The following SPON1 variants were observed in gnomAD, a reference collection of about 807,000 sequenced individuals.
The protein encoded by SPON1 is spondin 1.
Under a neutral mutation model 111.7 loss-of-function variants are expected in SPON1, and 52 were observed. The ratio of observed to expected loss-of-function variants is 0.47; its 90% CI spans 0.37 to 0.59. The LOEUF (loss-of-function observed/expected upper bound fraction) is 0.59, where lower values mean the gene tolerates loss of function less well. Among genes scored for constraint, SPON1 ranks in the 20% least tolerant of loss-of-function variants. SPON1 has a pLI of 0.00. For missense variants in SPON1, 957 were observed against 1,068.5 expected (o/e 0.90, Z 1.46); for synonymous variants, 410 against 395.8 (o/e 1.04, Z -0.43).
At chr11:14,001,259 C>T (rs1591346525) in intron 2 of SPON1, among the ~76,000 whole-genome samples, 3 of 152,224 alleles carry the variant, frequency 2.0e-5, no homozygotes, top group East Asian at 3.9e-4. Context: ...GAGTTAAACT[C>T]CTGGGAGCCC....
At chr11:14,042,948 A>C (rs1241723094) in intron 3 of SPON1, among the ~76,000 whole-genome samples, 2 of 152,228 alleles carry the variant, frequency 1.3e-5, no homozygotes, top group Non-Finnish European at 2.9e-5. Context: ...AGTTTAATGC[A>C]AGCTGAGCAT....
Position 14,262,792 on chromosome 11 carries a change from C to T in SPON1, c.2077C>T (p.Arg693Trp), listed in dbSNP as rs1346760352. 2 of 1,613,754 alleles carry T rather than the reference C, an allele frequency of 1.2e-6. No individual in the cohort carries two copies. The highest frequency in any genetic ancestry group is 1.1e-5 in the South Asian group (1 of 91,084). ...TGGGAAAGGCCACGTGATTCGAACCCGGATGATCCAAATGGAGCCTCAGTT... is the reference window on the plus strand; with the variant it reads ...TGGGAAAGGCCACGTGATTCGAACCTGGATGATCCAAATGGAGCCTCAGTT... ...SCGKGHVIRT[R>W]MIQMEPQFGG... Residue 693 changes from arginine (R) to tryptophan (W), a missense_variant, in exon 15 of 16, where the codon CGG becomes TGG. Arg to Trp is a moderately radical substitution (Grantham distance 101). Around this residue, in one of 5 missense-constraint regions of SPON1, gnomAD observed 549 missense variants for 606.2 expected, o/e 0.91. Coordinates refer to ENST00000576479, the MANE Select transcript of SPON1 (RefSeq NM_006108.4).
At chr11:14,144,348 G>A (rs1554929086) in intron 6 of SPON1, among the ~76,000 whole-genome samples, 1 of 152,094 alleles carries the variant, frequency 6.6e-6, no homozygotes, top group Non-Finnish European at 1.5e-5. Context: ...AAGACTTTTA[G>A]ACCAGGCGTG....
chr11:13,986,961 T>C (rs1554910475), intron 2 of SPON1, among the ~76,000 whole-genome samples: 1 of 152,178 alleles, frequency 6.6e-6, no homozygotes, highest in African/African-American at 2.4e-5. Context: ...TCCAGTCTAT[T>C]ATTGATGGAC....
In SPON1 at chr11:14,260,730, G is replaced by A. The variant is rs1282504510; in HGVS notation, c.1974G>A (p.Glu658=). 2 of 1,613,802 alleles carry A rather than the reference G, an allele frequency of 1.2e-6. No homozygotes were observed. Among genetic ancestry groups the A allele is most frequent in the African/African-American group, 2.7e-5 (2 of 74,932 alleles). Residue 658 remains glutamate (E), a synonymous_variant, in exon 14 of 16, where the codon GAG becomes GAA. Coordinates refer to ENST00000576479, the MANE Select transcript of SPON1 (RefSeq NM_006108.4). ...GCAATGAGGATCTGGAGCAGGTGGA[G>A]AAGTGCATGCTCCCTGAATGCCGTA... is the stretch of plus-strand genomic sequence containing the variant. ...GDCNEDLEQV[E]KCMLPECPID...
At chr11:14,115,547 G>A (rs1377062024) in intron 5 of SPON1, among the ~76,000 whole-genome samples, 1 of 152,146 alleles carries the variant, frequency 6.6e-6, no homozygotes, top group Non-Finnish European at 1.5e-5. Flanking sequence ...ATAGTATATA[G>A]TTAACTTTAT....
At chr11:14,174,321 C>T (rs1554932869) in intron 6 of SPON1, among the ~76,000 whole-genome samples, 6 of 152,200 alleles carry the variant, frequency 3.9e-5, no homozygotes, top group Non-Finnish European at 8.8e-5. Context: ...TGGCCACGAG[C>T]CTGCTTCTCT....
intron 3 of SPON1, among the ~76,000 whole-genome samples, chr11:14,070,521 G>C (rs1429752819): frequency 1.3e-5 from 2 of 152,138 alleles, no homozygotes; most frequent in Non-Finnish European, 2.9e-5. Context: ...TGACTTAACA[G>C]CAGCAATGAT....
rs782513392 is a variant in SPON1 at position 14,255,655 on chromosome 11, C to A, written c.1101C>A (p.Asn367Lys). 1.9e-6 allele frequency: 3 copies of A among 1,613,764 alleles called. No individual in the cohort carries two copies. The East Asian group carries it at 6.7e-5, about 36-fold the overall frequency. Residue 367 changes from asparagine to lysine, a missense_variant, in exon 9 of 16, where the codon AAC becomes AAA. Asn to Lys is a moderately conservative substitution (Grantham distance 94). This residue lies in a region of SPON1 where 549 missense variants were observed against 606.2 expected (regional missense o/e 0.91). Coordinates refer to ENST00000576479, the MANE Select transcript of SPON1 (RefSeq NM_006108.4). ...TDSGVTYESP[N>K]KPTIPQEKIR... ...TGTATGTTTTCTTGCAGTCACCCAA[C>A]AAACCCACCATTCCCCAGGAGAAAA...
At chr11:14,139,510 G>C (rs1847627649) in intron 6 of SPON1, among the ~76,000 whole-genome samples, 1 of 152,124 alleles carries the variant, frequency 6.6e-6, no homozygotes, top group South Asian at 2.1e-4. Context: ...AGTATTGGAT[G>C]CTTCCTAAAT....
chr11:14,201,362 A>G (rs200816088), intron 6 of SPON1, among the ~76,000 whole-genome samples: 1 of 37,304 alleles, frequency 2.7e-5, no homozygotes, highest in Non-Finnish European at 4.3e-5. Flanking sequence ...AAACAAAAAA[A>G]CAAAAAAAAC....
intron 1 of SPON1, among the ~76,000 whole-genome samples, chr11:13,968,873 C>T (rs1848040194): frequency 6.6e-6 from 1 of 152,194 alleles, no homozygotes; most frequent in African/African-American, 2.4e-5. Context: ...GGAAATATAG[C>T]ATTTAGCTGG....
chr11:14,088,378 T>C (rs544535974), intron 5 of SPON1, among the ~76,000 whole-genome samples: 58 of 152,338 alleles, frequency 3.8e-4, no homozygotes, highest in Non-Finnish European at 6.5e-4. Context: ...TTATTTCTCC[T>C]TCACTTATGA....
At chr11:14,159,688 G>A (rs782240852) in intron 6 of SPON1, among the ~76,000 whole-genome samples, 34 of 152,154 alleles carry the variant, frequency 2.2e-4, no homozygotes, top group Middle Eastern at 3.4e-3. Flanking sequence ...ATACACAATG[G>A]AGTACTATTC....
chr11:14,156,687 G>T (rs967238619), intron 6 of SPON1, among the ~76,000 whole-genome samples: 2 of 152,074 alleles, frequency 1.3e-5, no homozygotes. Flanking sequence ...TGTAAGGAAG[G>T]GATCCAGTTT....
intron 2 of SPON1, among the ~76,000 whole-genome samples, chr11:14,015,739 A>G (rs1340945415): frequency 6.6e-6 from 1 of 152,218 alleles, no homozygotes; most frequent in Non-Finnish European, 1.5e-5. Context: ...TATTGGAGGT[A>G]AGTCATTGTA....
chr11:13,963,246 G>C, intron 1 of SPON1, 104 bp downstream of exon 1: 1 of 850,474 alleles, frequency 1.2e-6, no homozygotes, highest in Non-Finnish European at 1.7e-6. Flanking sequence ...GGCGCGTGGC[G>C]CGGGTGCAGC....
At chr11:14,093,044 GC>G (rs1330136814) in intron 5 of SPON1, among the ~76,000 whole-genome samples, 5 of 152,168 alleles carry the variant, frequency 3.3e-5, no homozygotes, top group Admixed American at 3.3e-4. Flanking sequence ...CAAATTTGGT[GC>G]CATACTGAAC....
At chr11:14,263,669 G>A (rs1849217533) in intron 15 of SPON1, among the ~76,000 whole-genome samples, 2 of 152,286 alleles carry the variant, frequency 1.3e-5, no homozygotes, top group South Asian at 4.1e-4. Context: ...TGGAGTTCAG[G>A]GAGATGTCAG....
Sources: allele counts gnomAD v4.1 joint callset (sites outside exome capture counted in the v4.1 genomes callset), GRCh38; gene constraint gnomAD v4.1.1; regional missense constraint gnomAD v4.1.1; transcripts MANE v1.5; gene names NCBI Gene and HGNC (gene_info 2026-07-23, HGNC 2026-07-21).